Variants in DMD observed in about 807,000 individuals in gnomAD.
DMD encodes the protein dystrophin.
DMD carries 63 observed loss-of-function variants against 330.1 expected under a neutral mutation model. The observed-to-expected ratio is 0.19, with a 90% CI of 0.16 to 0.24. The LOEUF (loss-of-function observed/expected upper bound fraction) is 0.24. Ranked by LOEUF, DMD falls within the 10% of genes least tolerant of loss-of-function variation. The pLI, the probability that DMD is intolerant of heterozygous loss-of-function variation, is 1.00. For synonymous variants in DMD, 1,223 were observed against 959.8 expected, an observed-to-expected ratio of 1.27 and a Z score of -5.07; for missense variants, 3,344 against 2,684.1, an observed-to-expected ratio of 1.25 and a Z score of -5.43.
At chrX:32,389,374 C>T in intron 32 of DMD, 127 bp downstream of exon 32, 8 of 799,751 alleles carry the variant, frequency 1.0e-5, no homozygotes, top group Non-Finnish European at 1.5e-5. Context: ...TTTTTGTTCT[C>T]AATCTTAAAA....
chrX:32,706,306 C>T (rs915686518), intron 7 of DMD, among the ~76,000 whole-genome samples: 5 of 106,737 alleles, frequency 4.7e-5, no homozygotes, highest in Non-Finnish European at 7.7e-5. Context: ...ATGGGTGCAG[C>T]ACACCAACAT....
At chrX:32,299,557 T>G (rs1372729919) in intron 42 of DMD, among the ~76,000 whole-genome samples, 2 of 110,005 alleles carry the variant, frequency 1.8e-5, no homozygotes, top group Non-Finnish European at 3.8e-5. Flanking sequence ...ATCTTTAACT[T>G]TGAAAACATT....
chrX:32,040,318 C>G (rs1416102060), intron 44 of DMD, among the ~76,000 whole-genome samples: 1 of 111,675 alleles, frequency 9.0e-6, no homozygotes, highest in African/African-American at 3.3e-5. Flanking sequence ...AGAGAACCAA[C>G]AATGCCTTCA....
At chrX:31,613,053 G>T (rs912834190) in intron 55 of DMD, among the ~76,000 whole-genome samples, 2 of 112,024 alleles carry the variant, frequency 1.8e-5, no homozygotes, top group Non-Finnish European at 1.9e-5. Flanking sequence ...TCTGAGCAAA[G>T]ATAACTTCTC....
chrX:32,732,392 G>C lies in DMD; in HGVS notation c.650-33099C>G, dbSNP rs770121369. Among the ~76,000 whole-genome samples the C allele has an allele frequency of 5.4e-3, 599 of 110,511 alleles. 2 individuals carry two copies. The highest frequency in any genetic ancestry group is 0.019 in the African/African-American group (566 of 30,211). On this transcript the variant is annotated intron_variant, in intron 7 of 78. Transcript: ENST00000357033. ...ATCTAGCAAGGCAGGCCAACATTCA[G>C]ATTCAGGAAATACAGAGAATGCCAC...
chrX:32,973,413 G>C, intron 2 of DMD, among the ~76,000 whole-genome samples: 1 of 112,125 alleles, frequency 8.9e-6, no homozygotes, highest in Non-Finnish European at 1.9e-5. Context: ...TCAACAGATA[G>C]AGGATGGCAA....
Position 32,205,001 on chromosome X carries a change from T to TA in DMD, c.6438+11914_6438+11915insT, listed in dbSNP as rs1569550713. On this transcript the variant is annotated intron_variant, in intron 44 of 78. Transcript: ENST00000357033. ...ATCTCTCTCTCTCTCTCTCTCTCTC[T>TA]CTCTCACATACACACACACACACAC... 1.7e-3 allele frequency among the ~76,000 whole-genome samples: 68 copies of TA among 39,601 alleles called. 1 individual carries two copies. The highest frequency in any genetic ancestry group is 0.011 in the Admixed American group (32 of 2,841). The allele number at this position is 39,601 out of a possible 115,157, so 34.4% of individuals were successfully genotyped here.
At chrX:32,289,456 T>C (rs980069396) in intron 42 of DMD, among the ~76,000 whole-genome samples, 1 of 110,765 alleles carries the variant, frequency 9.0e-6, no homozygotes. Flanking sequence ...CCATCTTGAA[T>C]AGGGGCTGGG....
At chrX:32,501,918 C>T in intron 18 of DMD, 76 bp from the exon 19 acceptor site, 1 of 762,144 alleles carries the variant, frequency 1.3e-6, no homozygotes, top group Non-Finnish European at 2.0e-6. Context: ...CTTCTACTTG[C>T]CCTTTCAAGC....
intron 1 of DMD, among the ~76,000 whole-genome samples, chrX:33,086,836 G>C (rs966245239): frequency 7.4e-5 from 8 of 108,682 alleles, no homozygotes; most frequent in Non-Finnish European, 1.5e-4. Context: ...GAGCGATAGA[G>C]GGAGATAAAG....
At chrX:32,553,115 T>C (rs878900816) in intron 16 of DMD, among the ~76,000 whole-genome samples, 4 of 111,927 alleles carry the variant, frequency 3.6e-5, no homozygotes, top group Non-Finnish European at 7.5e-5. Flanking sequence ...CACATGCACA[T>C]GTATGTTTTA....
At chrX:32,615,020 GA>G (rs1290647439) in intron 11 of DMD, among the ~76,000 whole-genome samples, 3 of 111,008 alleles carry the variant, frequency 2.7e-5, no homozygotes, top group Non-Finnish European at 3.8e-5. Context: ...CTACACTACC[GA>G]ATCATTAGAG....
intron 6 of DMD, among the ~76,000 whole-genome samples, chrX:32,810,800 T>C (rs1406919598): frequency 2.7e-5 from 3 of 111,624 alleles, no homozygotes; most frequent in Non-Finnish European, 3.8e-5. Context: ...TTAGGGGAAG[T>C]ACAAATTACG....
At chrX:32,795,005 G>A (rs980830285) in intron 7 of DMD, among the ~76,000 whole-genome samples, 1 of 112,148 alleles carries the variant, frequency 8.9e-6, no homozygotes, top group Non-Finnish European at 1.9e-5. Context: ...ACAAATTGAA[G>A]AGTACACCAA....
rs866784650 is a variant in DMD, at chrX:32,329,473, A to C, written c.5922+12627T>G. Among the ~76,000 whole-genome samples, 10 of 112,167 alleles carry C rather than the reference A, an allele frequency of 8.9e-5. No individual in the cohort carries two copies. The South Asian group carries it at 3.3e-3, about 38-fold the overall frequency. On this transcript the variant is annotated intron_variant, in intron 41 of 78. Transcript: ENST00000357033. The stretch of plus-strand genomic sequence containing the variant: ...AAAGAAGAGGAGGGCTTTGTAGCAG[A>C]TTAAAGAGACCCTTTCCCATTAGGG...
At chrX:31,746,974 T>C (rs1375061940) in intron 51 of DMD, among the ~76,000 whole-genome samples, 1 of 111,674 alleles carries the variant, frequency 9.0e-6, no homozygotes, top group Non-Finnish European at 1.9e-5. Context: ...TTGTACATTT[T>C]CTCAGCAGTT....
At chrX:31,346,306 ATTGAAGGG>A (rs2058072759) in intron 61 of DMD, among the ~76,000 whole-genome samples, 3 of 91,912 alleles carry the variant, frequency 3.3e-5, no homozygotes, top group African/African-American at 1.3e-4. Flanking sequence ...ACCTTAAGGG[ATTGAAGGG>A]ATTGCTATAA....
chrX:31,564,384 C>CAT (rs2075360402), intron 55 of DMD, among the ~76,000 whole-genome samples: 1 of 111,292 alleles, frequency 9.0e-6, no homozygotes, highest in South Asian at 3.8e-4. Context: ...TGTAAAGATG[C>CAT]ATATATATAG....
chrX:32,189,864 A>G (rs1046491155), intron 44 of DMD, among the ~76,000 whole-genome samples: 1 of 111,030 alleles, frequency 9.0e-6, no homozygotes, highest in Non-Finnish European at 1.9e-5. Context: ...AGCACTTATC[A>G]TACTGTATTG....
Sources: gnomAD v4.1 joint callset for allele counts (sites outside exome capture counted in the v4.1 genomes callset) on GRCh38, gnomAD v4.1.1 for gene constraint, MANE v1.5 for transcripts, NCBI Gene and HGNC (gene_info 2026-07-23, HGNC 2026-07-21) for gene names.